ELOVL7: variants seen among roughly 807,000 people sequenced by gnomAD.
ELOVL7 encodes very long chain fatty acid elongase 7.
In ELOVL7, 27 loss-of-function variants were observed where a neutral mutation model predicts 35.7. The observed-to-expected ratio is 0.76, with a 90% confidence interval of 0.56 to 1.04. ELOVL7 has a LOEUF of 1.04. ELOVL7 is among the 50% of genes least tolerant of loss of function. ELOVL7 has a pLI of 0.00. For synonymous variants in ELOVL7, 113 were observed against 114.6 expected, an observed-to-expected ratio of 0.99 and a Z score of 0.09; for missense variants, 327 against 340.8, an observed-to-expected ratio of 0.96 and a Z score of 0.32.
intron 1 of ELOVL7, among the ~76,000 whole-genome samples, chr5:60,835,807 T>C (rs943365426): frequency 1.2e-4 from 18 of 152,172 alleles, no homozygotes; most frequent in Admixed American, 9.2e-4. Context: ...AATAACAATA[T>C]TCTTTTTTTG....
At chr5:60,838,052 G>A (rs957764762) in intron 1 of ELOVL7, among the ~76,000 whole-genome samples, 14 of 152,196 alleles carry the variant, frequency 9.2e-5, no homozygotes, top group African/African-American at 3.1e-4. Flanking sequence ...GAAATGGCAA[G>A]CGCCAGAGAG....
chr5:60,826,123 A>G (rs1052535350), intron 1 of ELOVL7, among the ~76,000 whole-genome samples: 3 of 152,248 alleles, frequency 2.0e-5, no homozygotes, highest in Non-Finnish European at 1.5e-5. Flanking sequence ...GTACGTATCT[A>G]TAAAATGTAC....
intron 3 of ELOVL7, among the ~76,000 whole-genome samples, chr5:60,783,382 A>T (rs79561458): frequency 7.3e-4 from 111 of 152,322 alleles, no homozygotes; most frequent in African/African-American, 2.4e-3. Context: ...ATACAAAATC[A>T]TTAGGATGAC....
Position 60,812,724 on chromosome 5 carries a change from G to C in ELOVL7, c.-85-13494C>G, listed in dbSNP as rs115616377. ...AACCTCCCTCTTGCTAAACCTAAAG[G>C]CTTATCCTAAGTTTTTGTCTACTCT... On this transcript the variant is annotated intron_variant, in intron 1 of 8. Coordinates refer to ENST00000508821, the MANE Select transcript of ELOVL7 (RefSeq NM_024930.3). 5.5e-3 allele frequency among the ~76,000 whole-genome samples: 844 copies of C among 152,174 alleles called. 12 individuals are homozygous for C. Among genetic ancestry groups the C allele is most frequent in the African/African-American group, 0.02 (812 of 41,510 alleles).
intron 1 of ELOVL7, among the ~76,000 whole-genome samples, chr5:60,808,916 A>T (rs947004051): frequency 1.3e-5 from 2 of 152,260 alleles, no homozygotes; most frequent in Non-Finnish European, 1.5e-5. Context: ...AGAAAGCTAA[A>T]CTATAAAGTT....
chr5:60,784,121 G>C (rs966171639), intron 3 of ELOVL7: 1 of 1,512,578 alleles, frequency 6.6e-7, no homozygotes, highest in South Asian at 1.2e-5. Context: ...TTTTCCATCA[G>C]CTGCTTCTAA....
At chr5:60,785,911 T>C (rs1743554913) in intron 3 of ELOVL7, 1 of 152,228 alleles carries the variant, frequency 6.6e-6, no homozygotes, top group South Asian at 2.1e-4. Context: ...CTGAGAAAGC[T>C]GCAAATGATG....
At chr5:60,791,630 T>A (rs1341542144) in intron 2 of ELOVL7, among the ~76,000 whole-genome samples, 1 of 152,220 alleles carries the variant, frequency 6.6e-6, no homozygotes, top group East Asian at 1.9e-4. Flanking sequence ...TAGAAAAAAC[T>A]CTACTACTTT....
intron 3 of ELOVL7, among the ~76,000 whole-genome samples, chr5:60,782,037 G>C (rs931358024): frequency 2.6e-5 from 4 of 152,286 alleles, no homozygotes; most frequent in African/African-American, 4.8e-5. Flanking sequence ...TGGTCCAATT[G>C]AATCAGAATC....
chr5:60,758,529 A>G (rs1290097713), intron 7 of ELOVL7, among the ~76,000 whole-genome samples: 2 of 152,204 alleles, frequency 1.3e-5, no homozygotes, highest in East Asian at 3.8e-4. Flanking sequence ...TAACTGTGAA[A>G]CCATCCTTAT....
intron 7 of ELOVL7, among the ~76,000 whole-genome samples, chr5:60,762,929 G>A (rs1240995675): frequency 2.6e-5 from 4 of 152,114 alleles, no homozygotes. Context: ...ACCAATAAGT[G>A]TCAATGTATA....
chr5:60,766,028 C>CGATCCTCACTAG (rs1742214443), intron 6 of ELOVL7, among the ~76,000 whole-genome samples: 1 of 152,074 alleles, frequency 6.6e-6, no homozygotes, highest in African/African-American at 2.4e-5. Flanking sequence ...AGTTCAGAGG[C>CGATCCTCACTAG]GATCCTCACT....
chr5:60,842,617 C>T (rs1353191081), intron 1 of ELOVL7, among the ~76,000 whole-genome samples: 1 of 151,822 alleles, frequency 6.6e-6, no homozygotes, highest in Non-Finnish European at 1.5e-5. Context: ...TGAAACAGCA[C>T]GGGACTTCAG....
At chr5:60,764,163 T>C (rs1162007070) in intron 7 of ELOVL7, 64 bp downstream of exon 7, 1 of 1,039,490 alleles carries the variant, frequency 9.6e-7, no homozygotes, top group Admixed American at 2.2e-5. Context: ...TTTAGAAAAA[T>C]ATTTTGTTTT....
intron 1 of ELOVL7, among the ~76,000 whole-genome samples, chr5:60,841,931 G>A (rs904265793): frequency 5.3e-5 from 8 of 152,026 alleles, no homozygotes; most frequent in South Asian, 2.1e-4. Context: ...GCTCCTACAC[G>A]TTTACCAATG....
At chr5:60,841,002 A>C (rs988466089) in intron 1 of ELOVL7, among the ~76,000 whole-genome samples, 10 of 151,296 alleles carry the variant, frequency 6.6e-5, no homozygotes, top group African/African-American at 2.4e-4. Context: ...AAAACACAGA[A>C]TACTAAAAAA....
intron 3 of ELOVL7, among the ~76,000 whole-genome samples, chr5:60,775,904 T>G (rs1351914205): frequency 6.6e-6 from 1 of 151,998 alleles, no homozygotes; most frequent in Non-Finnish European, 1.5e-5. Context: ...TAGGAAACAC[T>G]CTTCTGGACA....
intron 2 of ELOVL7, among the ~76,000 whole-genome samples, chr5:60,797,479 A>G (rs956456861): frequency 6.6e-6 from 1 of 152,228 alleles, no homozygotes; most frequent in Non-Finnish European, 1.5e-5. Context: ...ACTTAGCCAT[A>G]CAGAACACAG....
chr5:60,816,090 T>C (rs1301718521), intron 1 of ELOVL7, among the ~76,000 whole-genome samples: 1 of 152,260 alleles, frequency 6.6e-6, no homozygotes, highest in South Asian at 2.1e-4. Context: ...TAGAAGAGTT[T>C]TGGGAAGGGC....
Sources: gnomAD v4.1 joint callset for allele counts (sites outside exome capture counted in the v4.1 genomes callset) on GRCh38, gnomAD v4.1.1 for gene constraint, MANE v1.5 for transcripts, NCBI Gene and HGNC (gene_info 2026-07-23, HGNC 2026-07-21) for gene names.